CACNA2D3: variants seen among roughly 807,000 people sequenced by gnomAD.
CACNA2D3 encodes the protein calcium voltage-gated channel auxiliary subunit alpha2delta 3.
A neutral mutation model predicts 160.6 loss-of-function variants in CACNA2D3; 60 were observed. That is an observed-to-expected ratio of 0.37 (90% confidence interval 0.30 to 0.46). CACNA2D3 has a LOEUF of 0.46. Ranked by LOEUF, CACNA2D3 falls within the 20% of genes least tolerant of loss-of-function variation. CACNA2D3 has a pLI of 1.00. For synonymous variants in CACNA2D3, 558 were observed against 492.9 expected (o/e 1.13, Z -1.75); for missense variants, 1,205 against 1,365.0 (o/e 0.88, Z 1.85).
chr3:54,301,302 G>GGA (rs1553787184), intron 2 of CACNA2D3, among the ~76,000 whole-genome samples: 1 of 141,152 alleles, frequency 7.1e-6, no homozygotes, highest in East Asian at 2.1e-4. Flanking sequence ...ACAAAAGACA[G>GGA]AAAAAAAAAA....
chr3:54,270,414 C>G (rs114757394), intron 2 of CACNA2D3, among the ~76,000 whole-genome samples: 2 of 152,170 alleles, frequency 1.3e-5, no homozygotes, highest in African/African-American at 4.8e-5. Flanking sequence ...ATATACCCCA[C>G]GAGTTGGCTT....
At chr3:54,156,249 G>A (rs142100319) in intron 2 of CACNA2D3, among the ~76,000 whole-genome samples, 63 of 152,298 alleles carry the variant, frequency 4.1e-4, no homozygotes, top group Middle Eastern at 3.4e-3. Context: ...CATAAAGGGT[G>A]TGCTATCAAG....
chr3:54,825,367 G>T (rs139138424), intron 14 of CACNA2D3, among the ~76,000 whole-genome samples: 236 of 152,296 alleles, frequency 1.5e-3, no homozygotes, highest in Non-Finnish European at 2.5e-3. Context: ...TATTTAGCCT[G>T]GGTGGTCTTG....
intron 27 of CACNA2D3, among the ~76,000 whole-genome samples, chr3:54,943,654 A>G (rs772571808): frequency 2.6e-5 from 4 of 151,616 alleles, no homozygotes; most frequent in East Asian, 3.9e-4. Context: ...ATTTTCCCCC[A>G]TGTGTTTCAT....
At chr3:54,666,341 T>G (rs1700069052) in intron 11 of CACNA2D3, among the ~76,000 whole-genome samples, 1 of 152,218 alleles carries the variant, frequency 6.6e-6, no homozygotes, top group Non-Finnish European at 1.5e-5. Context: ...AATATATTCT[T>G]TACAAATATG....
intron 4 of CACNA2D3, among the ~76,000 whole-genome samples, chr3:54,453,099 T>TC (rs1700336844): frequency 1.3e-5 from 2 of 152,022 alleles, no homozygotes; most frequent in African/African-American, 4.8e-5. Context: ...TTAAGCAGTC[T>TC]CCCTACCTCA....
chr3:54,312,965 G>T (rs1263573787), intron 2 of CACNA2D3, among the ~76,000 whole-genome samples: 2 of 152,192 alleles, frequency 1.3e-5, no homozygotes, highest in African/African-American at 4.8e-5. Flanking sequence ...GAATTTGTCT[G>T]TTACATCGAG....
intron 13 of CACNA2D3, among the ~76,000 whole-genome samples, chr3:54,768,217 A>G (rs1025040142): frequency 1.3e-5 from 2 of 152,218 alleles, no homozygotes; most frequent in Non-Finnish European, 2.9e-5. Flanking sequence ...GTCTTAGTAT[A>G]CTATATATTG....
At chr3:54,484,244 T>A (rs931388663) in intron 4 of CACNA2D3, among the ~76,000 whole-genome samples, 3 of 152,208 alleles carry the variant, frequency 2.0e-5, no homozygotes, top group Non-Finnish European at 4.4e-5. Flanking sequence ...ATTCTAAATA[T>A]GTCTAGAAAA....
intron 9 of CACNA2D3, among the ~76,000 whole-genome samples, chr3:54,597,123 G>A (rs1385489189): frequency 6.6e-6 from 1 of 152,188 alleles, no homozygotes; most frequent in East Asian, 1.9e-4. Flanking sequence ...CCTACTGCAA[G>A]GTTTTCCCTT....
At chr3:54,623,363 A>G (rs1044613269) in intron 9 of CACNA2D3, among the ~76,000 whole-genome samples, 1 of 152,224 alleles carries the variant, frequency 6.6e-6, no homozygotes, top group Non-Finnish European at 1.5e-5. Flanking sequence ...TGCCAGCAGA[A>G]GTCCAGGGAT....
chr3:54,199,458 G>A (rs11929236), intron 2 of CACNA2D3, among the ~76,000 whole-genome samples: 55,722 of 151,980 alleles, frequency 0.37, 13,112 homozygotes, highest in African/African-American at 0.65. Context: ...CTACGTGCCA[G>A]GCTCAAGCGA....
intron 27 of CACNA2D3, chr3:54,918,165 T>TACTCCA (rs1700707274): frequency 3.4e-6 from 1 of 289,992 alleles, no homozygotes; most frequent in Non-Finnish European, 6.5e-6. Flanking sequence ...CTGGAAGAGA[T>TACTCCA]GGCATCTTCC....
At chr3:54,725,830 G>A (rs1410959394) in intron 11 of CACNA2D3, among the ~76,000 whole-genome samples, 2 of 152,166 alleles carry the variant, frequency 1.3e-5, no homozygotes, top group Non-Finnish European at 2.9e-5. Context: ...AAAACTGGAA[G>A]CATTCCCTTG....
chr3:54,682,086 C>A (rs1047180741), intron 11 of CACNA2D3, among the ~76,000 whole-genome samples: 2 of 151,212 alleles, frequency 1.3e-5, no homozygotes, highest in African/African-American at 2.4e-5. Flanking sequence ...ATCATGTGTG[C>A]GTGATTGCAA....
intron 35 of CACNA2D3, among the ~76,000 whole-genome samples, chr3:55,039,590 T>C (rs1202644580): frequency 2.0e-5 from 3 of 152,236 alleles, no homozygotes; most frequent in Non-Finnish European, 2.9e-5. Context: ...ACTTGGTCCT[T>C]GTGACCTTTT....
chr3:54,275,181 G>T (rs1702707951), intron 2 of CACNA2D3, among the ~76,000 whole-genome samples: 1 of 152,170 alleles, frequency 6.6e-6, no homozygotes, highest in Non-Finnish European at 1.5e-5. Context: ...AACCCACTTT[G>T]CTGTTCCCTC....
intron 2 of CACNA2D3, among the ~76,000 whole-genome samples, chr3:54,246,421 G>A (rs546117609): frequency 2.4e-4 from 36 of 152,292 alleles, no homozygotes; most frequent in African/African-American, 8.2e-4. Flanking sequence ...GGCCGGATGC[G>A]ATGGCTCATG....
intron 2 of CACNA2D3, among the ~76,000 whole-genome samples, chr3:54,262,398 T>A (rs909367107): frequency 6.6e-6 from 1 of 152,188 alleles, no homozygotes; most frequent in Non-Finnish European, 1.5e-5. Context: ...CCTCCCACGA[T>A]GGACCCACAA....
Sources: gnomAD v4.1 joint callset for allele counts (sites outside exome capture counted in the v4.1 genomes callset) on GRCh38, gnomAD v4.1.1 for gene constraint, MANE v1.5 for transcripts, NCBI Gene and HGNC (gene_info 2026-07-23, HGNC 2026-07-21) for gene names.